KIF6: variants seen among roughly 807,000 people sequenced by gnomAD.
KIF6 encodes kinesin family member 6.
In KIF6, 106 loss-of-function variants were observed where a neutral mutation model predicts 112.7. The ratio of observed to expected loss-of-function variants is 0.94; its 90% CI spans 0.80 to 1.11. The LOEUF is 1.11. KIF6 is among the 50% of genes least tolerant of loss of function. The pLI, the probability that KIF6 is intolerant of heterozygous loss-of-function variation, is 0.00. For missense variants in KIF6, 929 were observed against 964.0 expected (o/e 0.96, Z 0.48); for synonymous variants, 339 against 339.9 (o/e 1.00, Z 0.03).
chr6:39,417,290 G>A (rs547852277), intron 15 of KIF6, among the ~76,000 whole-genome samples: 242 of 152,200 alleles, frequency 1.6e-3, no homozygotes, highest in African/African-American at 5.6e-3. Context: ...CACTCACCTG[G>A]GCCCCTTGGA....
intron 16 of KIF6, among the ~76,000 whole-genome samples, chr6:39,375,551 T>C (rs1475680674): frequency 6.6e-6 from 1 of 152,190 alleles, no homozygotes; most frequent in African/African-American, 2.4e-5. Context: ...AAATTTCCTC[T>C]CTCTGCTTGA....
chr6:39,499,663 G>T (rs1013574498), intron 13 of KIF6, among the ~76,000 whole-genome samples: 2 of 152,214 alleles, frequency 1.3e-5, no homozygotes, highest in Non-Finnish European at 1.5e-5. Flanking sequence ...AAAATGTTTG[G>T]CTTGAGAATA....
chr6:39,708,763 C>G (rs1789361055), intron 3 of KIF6, among the ~76,000 whole-genome samples: 1 of 152,054 alleles, frequency 6.6e-6, no homozygotes, highest in Admixed American at 6.5e-5. Context: ...GTTTTCCTCC[C>G]TAAGTCTTTG....
At chr6:39,648,134 C>CT (rs1388095861) in intron 3 of KIF6, among the ~76,000 whole-genome samples, 1 of 149,322 alleles carries the variant, frequency 6.7e-6, no homozygotes, top group Non-Finnish European at 1.5e-5. Context: ...AGCGATTCTC[C>CT]TGCCTCAGCC....
chr6:39,389,887 TGGGCATGGTGAC>T (rs1219447304), intron 15 of KIF6, among the ~76,000 whole-genome samples: 1 of 151,832 alleles, frequency 6.6e-6, no homozygotes, highest in Non-Finnish European at 1.5e-5. Flanking sequence ...AAAAATTAGC[TGGGCATGGTGAC>T]GGGCACCTGT....
At chr6:39,402,926 C>A (rs536795897) in intron 15 of KIF6, among the ~76,000 whole-genome samples, 1 of 152,298 alleles carries the variant, frequency 6.6e-6, no homozygotes, top group Non-Finnish European at 1.5e-5. Flanking sequence ...TTGCCCTGAC[C>A]AAACTGAGGA....
At chr6:39,424,898 T>G (rs1770650833) in intron 14 of KIF6, among the ~76,000 whole-genome samples, 1 of 152,144 alleles carries the variant, frequency 6.6e-6, no homozygotes, top group African/African-American at 2.4e-5. Flanking sequence ...GGTTGCTGAG[T>G]TTCTCATTTT....
chr6:39,678,537 C>T (rs532477010), intron 3 of KIF6, among the ~76,000 whole-genome samples: 4 of 152,292 alleles, frequency 2.6e-5, no homozygotes, highest in Non-Finnish European at 4.4e-5. Context: ...CCTCAACATT[C>T]CCACTGTGTT....
intron 19 of KIF6, among the ~76,000 whole-genome samples, chr6:39,349,723 A>G (rs1166508739): frequency 7.2e-6 from 1 of 138,190 alleles, no homozygotes; most frequent in Non-Finnish European, 1.5e-5. Flanking sequence ...GCTCACTGCA[A>G]CCTCTACCTC....
At chr6:39,458,570 G>C (rs1018386598) in intron 13 of KIF6, among the ~76,000 whole-genome samples, 8 of 149,938 alleles carry the variant, frequency 5.3e-5, no homozygotes, top group African/African-American at 2.0e-4. Context: ...TAGGAAAAGA[G>C]GAAGTCAAAT....
At chr6:39,631,573 A>G (rs1784351982) in intron 5 of KIF6, among the ~76,000 whole-genome samples, 1 of 152,116 alleles carries the variant, frequency 6.6e-6, no homozygotes, top group Admixed American at 6.6e-5. Context: ...TCAAATGTTG[A>G]ACTAGCTGTG....
At chr6:39,679,054 GA>G (rs543711577) in intron 3 of KIF6, among the ~76,000 whole-genome samples, 145 of 152,328 alleles carry the variant, frequency 9.5e-4, no homozygotes, top group African/African-American at 3.3e-3. Context: ...AGCACACGTT[GA>G]AATAATATGT....
At chr6:39,637,849 G>A (rs190737662) in intron 4 of KIF6, among the ~76,000 whole-genome samples, 2 of 152,076 alleles carry the variant, frequency 1.3e-5, no homozygotes, top group Admixed American at 1.3e-4. Context: ...CAATGGGCTC[G>A]CTGCAAGTCC....
rs774670421 is a variant in KIF6, at chr6:39,613,202, C to T, written c.626G>A (p.Arg209Gln). ...GAAGTTTATTACCTCTGCAATCATT[C>T]GGTTGGTGTCTCCTAAAAAAAGCAA... ...LNLLFLGDTN[R>Q]MIAETPMNQA... Residue 209 changes from arginine (R) to glutamine (Q), a missense_variant, in exon 6 of 23, where the codon CGA becomes CAA. Physicochemically the swap from Arg to Gln is conservative, Grantham distance 43. This residue lies in a region of KIF6 where 688 missense variants were observed against 662.7 expected (regional missense o/e 1.04). Coordinates refer to ENST00000287152, the MANE Select transcript of KIF6 (RefSeq NM_145027.6). 110 of 1,592,540 alleles carry T rather than the reference C, an allele frequency of 6.9e-5. No individual in the cohort carries two copies. The highest frequency in any genetic ancestry group is 8.3e-5 in the Non-Finnish European group (97 of 1,170,986).
chr6:39,537,918 C>T (rs1261415941), intron 13 of KIF6, among the ~76,000 whole-genome samples: 1 of 152,170 alleles, frequency 6.6e-6, no homozygotes, highest in African/African-American at 2.4e-5. Flanking sequence ...TGCCGCATAC[C>T]TACAACTATT....
chr6:39,691,996 G>C (rs13195469), intron 3 of KIF6: 49,215 of 151,978 alleles, frequency 0.32, 9,229 homozygotes, highest in Non-Finnish European at 0.4. Context: ...CAAGACTAAC[G>C]TGTTAATTAA....
At chr6:39,586,489 A>C (rs567556091) in intron 7 of KIF6, 85 bp from the exon 8 acceptor site, 2 of 1,105,044 alleles carry the variant, frequency 1.8e-6, no homozygotes, top group East Asian at 4.7e-5. Context: ...AGCAATAAAA[A>C]TGCAAAAGGA....
intron 3 of KIF6, 140 bp from the exon 4 acceptor site, chr6:39,639,897 G>A (rs1349096824): frequency 7.8e-6 from 5 of 644,802 alleles, no homozygotes; most frequent in Non-Finnish European, 1.3e-5. Context: ...TTATATATGT[G>A]AATATCTAGC....
intron 16 of KIF6, among the ~76,000 whole-genome samples, chr6:39,381,042 C>T (rs1766890646): frequency 6.6e-6 from 1 of 152,198 alleles, no homozygotes; most frequent in Non-Finnish European, 1.5e-5. Context: ...AATGGCTTAT[C>T]ATCATCCATG....
Sources: gnomAD v4.1 joint callset for allele counts (sites outside exome capture counted in the v4.1 genomes callset) on GRCh38, gnomAD v4.1.1 for gene constraint, gnomAD v4.1.1 regional missense constraint, MANE v1.5 for transcripts, NCBI Gene and HGNC (gene_info 2026-07-23, HGNC 2026-07-21) for gene names.